Variants in CEP152 observed in about 807,000 individuals in gnomAD.
CEP152 encodes the protein centrosomal protein 152, also known as centrosomal protein of 152 kDa.
In CEP152, 132 loss-of-function variants were observed where a neutral mutation model predicts 188.9. The ratio of observed to expected loss-of-function variants is 0.70; its 90% CI spans 0.61 to 0.81. The LOEUF is 0.81. Ranked by LOEUF, CEP152 falls within the 30% of genes least tolerant of loss-of-function variation. The pLI is 0.00. For missense variants in CEP152, 1,914 were observed against 1,969.8 expected, an observed-to-expected ratio of 0.97 and a Z score of 0.54; for synonymous variants, 649 against 666.6, an observed-to-expected ratio of 0.97 and a Z score of 0.41.
At chr15:48,765,317 G>A (rs1351654813) in intron 17 of CEP152, among the ~76,000 whole-genome samples, 1 of 152,104 alleles carries the variant, frequency 6.6e-6, no homozygotes, top group Non-Finnish European at 1.5e-5. Context: ...AGAACTATAC[G>A]CCCAGTGGTG....
chr15:48,765,365 T>A (rs1487587312), intron 17 of CEP152, among the ~76,000 whole-genome samples: 2 of 152,208 alleles, frequency 1.3e-5, no homozygotes, highest in Non-Finnish European at 2.9e-5. Context: ...ATTAAAATTT[T>A]TTTTTAATTA....
chr15:48,755,315 G>C (rs1379701992), intron 20 of CEP152, among the ~76,000 whole-genome samples: 3 of 152,026 alleles, frequency 2.0e-5, no homozygotes, highest in Non-Finnish European at 4.4e-5. Context: ...CTTTGTACTT[G>C]GTTGGCATTT....
At chr15:48,764,185 A>T (rs1173324669) in intron 17 of CEP152, among the ~76,000 whole-genome samples, 2 of 152,216 alleles carry the variant, frequency 1.3e-5, no homozygotes, top group Non-Finnish European at 2.9e-5. Context: ...AAATGTGGTG[A>T]CCAGAAAGAA....
Position 48,748,495 on chromosome 15 carries a change from C to T in CEP152, c.3582G>A (p.Arg1194=), listed in dbSNP as rs1178396999. Reference sequence around the variant, plus strand: ...GCTTCCTTTCTAAATGCTGAAGATGCCTACAGCATTTCTCCAGTTTTCCTT... The same window carrying T: ...GCTTCCTTTCTAAATGCTGAAGATGTCTACAGCATTTCTCCAGTTTTCCTT... ...DLKGKLEKCC[R]HLQHLERKHK... is the part of the protein sequence containing the mutation. The change falls in exon 22 of 27, where the codon AGG becomes AGA. Residue 1194 remains arginine (R), a synonymous_variant. Coordinates refer to ENST00000380950, the MANE Select transcript of CEP152 (RefSeq NM_001194998.2). 2 of 1,534,678 alleles carry T rather than the reference C, an allele frequency of 1.3e-6. No homozygotes were observed. Among genetic ancestry groups the T allele is most frequent in the East Asian group, 2.4e-5 (1 of 40,864 alleles).
intron 22 of CEP152, among the ~76,000 whole-genome samples, chr15:48,746,838 A>C (rs1424655075): frequency 6.6e-6 from 1 of 152,196 alleles, no homozygotes. Context: ...AGGACTAAAC[A>C]GGTCTGCAGT....
chr15:48,799,533 T>C (rs1321447944), intron 2 of CEP152, among the ~76,000 whole-genome samples: 1 of 152,200 alleles, frequency 6.6e-6, no homozygotes, highest in East Asian at 1.9e-4. Context: ...AAGAGAAAGA[T>C]ATTTTCTTCA....
intron 13 of CEP152, 60 bp downstream of exon 13, chr15:48,772,426 TA>T: frequency 6.8e-7 from 1 of 1,462,556 alleles, no homozygotes; most frequent in Non-Finnish European, 9.5e-7. Context: ...AAAAAAAGTG[TA>T]AAAGTTTTCT....
Position 48,788,790 on chromosome 15 carries a change from A to C in CEP152, c.1173+11T>G. ...TGTTGATAACAGTTGCTCATTTGAA[A>C]TCATCCCAACCTGTTCTTTAAGTGC... On this transcript the variant is annotated intron_variant, in intron 9 of 26. Coordinates refer to ENST00000380950, the MANE Select transcript of CEP152 (RefSeq NM_001194998.2). The C allele has an allele frequency of 6.2e-7, 1 of 1,612,960 alleles. No individual in the cohort carries two copies. The highest frequency in any genetic ancestry group is 8.5e-7 in the Non-Finnish European group (1 of 1,178,882).
rs765417886 is a variant in CEP152 at position 48,798,003 on chromosome 15, G to T, written c.136C>A (p.Leu46Ile). The part of the protein sequence containing the change: ...DLPHDMLDDD[L>I]SSPELQYSDC... Reference sequence around the variant, plus strand: ...GAATACTGGAGCTCTGGAGAGGAGAGGTCGTCATCCAGCATGTCATGGGGA... The same window carrying T: ...GAATACTGGAGCTCTGGAGAGGAGATGTCGTCATCCAGCATGTCATGGGGA... Residue 46 changes from leucine to isoleucine, a missense_variant, in exon 3 of 27, where the codon CTC (leucine) becomes ATC (isoleucine). Coordinates refer to ENST00000380950, the MANE Select transcript of CEP152 (RefSeq NM_001194998.2). 2.5e-6 allele frequency: 4 copies of T among 1,613,934 alleles called. No homozygotes were observed. The highest frequency in any genetic ancestry group is 3.4e-6 in the Non-Finnish European group (4 of 1,179,966).
intron 2 of CEP152, among the ~76,000 whole-genome samples, chr15:48,730,434 T>C (rs1055347793): frequency 1.3e-5 from 2 of 152,188 alleles, no homozygotes; most frequent in Non-Finnish European, 2.9e-5. Context: ...AGGGGCTAAA[T>C]AAGCTCTCCG....
rs369737671 is a variant in CEP152, at chr15:48,762,886, T to TCA, written c.2281-216_2281-215dup. 4.4e-3 allele frequency among the ~76,000 whole-genome samples: 675 copies of TCA among 152,176 alleles called. 1 individual carries two copies. Among genetic ancestry groups the TCA allele is most frequent in the African/African-American group, 0.016 (645 of 41,500 alleles). ...TTTGAACTTAACTATATGACAAAAA[T>TCA]CACATGAAAGATTTAAGTATGTTGT... On this transcript the variant is annotated intron_variant, in intron 17 of 26. Coordinates refer to ENST00000380950, the MANE Select transcript of CEP152 (RefSeq NM_001194998.2).
chr15:48,795,517 T>G (rs1897237651), intron 6 of CEP152, among the ~76,000 whole-genome samples: 1 of 152,186 alleles, frequency 6.6e-6, no homozygotes, highest in Non-Finnish European at 1.5e-5. Flanking sequence ...CTTTTAAAAT[T>G]TTTTTAAATT....
chr15:48,779,115 C>T (rs1044034683), intron 12 of CEP152, among the ~76,000 whole-genome samples: 2 of 152,136 alleles, frequency 1.3e-5, no homozygotes, highest in Admixed American at 1.3e-4. Context: ...CCAACTAGAG[C>T]AGAAACTAAA....
Position 48,767,108 on chromosome 15 carries a change from T to C in CEP152, c.2232A>G (p.Glu744=), listed in dbSNP as rs770392693. 1.2e-6 allele frequency: 2 copies of C among 1,613,586 alleles called. No individual in the cohort carries two copies. The highest frequency in any genetic ancestry group is 2.2e-5 in the South Asian group (2 of 91,084). The change falls in exon 17 of 27, where the codon GAA becomes GAG. Residue 744 remains glutamate, a synonymous_variant. Coordinates refer to ENST00000380950, the MANE Select transcript of CEP152 (RefSeq NM_001194998.2). The part of the protein sequence containing the change: ...LEVCREKDNL[E]LTLRKTTEKE... ...TTTCAGTGGTCTTCCTGAGAGTCAATTCTAGATTATCCTTCTCTCTGCACA... is the reference window on the plus strand; with the variant it reads ...TTTCAGTGGTCTTCCTGAGAGTCAACTCTAGATTATCCTTCTCTCTGCACA...
chr15:48,752,341 C>A lies in CEP152; in HGVS notation c.3466+8G>T. The stretch of plus-strand genomic sequence containing the variant: ...CTACAAAGACTGGTGGGAACAAAAT[C>A]CAATTACCAGCTTCTGCTTCTGTTG... On this transcript the variant is annotated splice_region_variant and intron_variant, in intron 21 of 26. Transcript: ENST00000380950. The A allele has an allele frequency of 6.2e-7, 1 of 1,613,782 alleles. No individual in the cohort carries two copies. The highest frequency in any genetic ancestry group is 1.1e-5 in the South Asian group (1 of 91,070).
chr15:48,795,325 C>G (rs1897230317), intron 6 of CEP152, among the ~76,000 whole-genome samples: 1 of 151,898 alleles, frequency 6.6e-6, no homozygotes, highest in South Asian at 2.1e-4. Context: ...CTAAGTAATT[C>G]TGAATATAAA....
At position 48,739,304 on chromosome 15, in the gene CEP152, A is replaced by C; in HGVS notation, c.4094-16T>G. ...AGGGGCAGTGCTATTATGTGCAAGG[A>C]AACACGAAATTAAGAGAAAATTAAT... On this transcript the variant is annotated splice_polypyrimidine_tract_variant and intron_variant, in intron 26 of 26. Transcript: ENST00000380950. The C allele has an allele frequency of 6.3e-7, 1 of 1,592,418 alleles. No individual in the cohort carries two copies. The highest frequency in any genetic ancestry group is 8.5e-7 in the Non-Finnish European group (1 of 1,173,532).
At chr15:48,793,495 A>C in intron 6 of CEP152, 34 bp from the exon 7 acceptor site, 1 of 1,575,468 alleles carries the variant, frequency 6.3e-7, no homozygotes, top group Non-Finnish European at 8.7e-7. Flanking sequence ...AGATAAAAAC[A>C]TACCAAAATA....
In CEP152 at chr15:48,744,272, C is replaced by A. The variant is rs765165996; in HGVS notation, c.3803G>T (p.Gly1268Val). Residue 1268 changes from glycine (G) to valine (V), a missense_variant, in exon 24 of 27, where the codon GGG (glycine) becomes GTG (valine). Gly to Val is a moderately radical substitution (Grantham distance 109, BLOSUM62 -3). Coordinates refer to ENST00000380950, the MANE Select transcript of CEP152 (RefSeq NM_001194998.2). ...TTTTTTTACAGCTTTAATGTACTGC[C>A]CACGAAGTTCTTCCAAGGCTCCCCC... Reference protein sequence around the residue: ...CSGGALEELRGQYIKAVKKIK... With the variant: ...CSGGALEELRVQYIKAVKKIK... 1 of 1,613,844 alleles carries A rather than the reference C, an allele frequency of 6.2e-7. No individual in the cohort carries two copies. The highest frequency in any genetic ancestry group is 8.5e-7 in the Non-Finnish European group (1 of 1,179,976).
Sources: gnomAD v4.1 joint callset for allele counts (sites outside exome capture counted in the v4.1 genomes callset) on GRCh38, gnomAD v4.1.1 for gene constraint, MANE v1.5 for transcripts, NCBI Gene and HGNC (gene_info 2026-07-23, HGNC 2026-07-21) for gene names.